The following GFRAL variants were observed in gnomAD, a reference collection of about 807,000 sequenced individuals.
GFRAL encodes the protein GDNF family receptor alpha like, also known as GDNF family receptor alpha-like.
Under a neutral mutation model 45.4 loss-of-function variants are expected in GFRAL, and 36 were observed. That is an observed-to-expected ratio of 0.79 (90% CI 0.61 to 1.05). The LOEUF (loss-of-function observed/expected upper bound fraction) is 1.05, where lower values mean the gene tolerates loss of function less well. Among genes scored for constraint, GFRAL ranks in the 50% least tolerant of loss-of-function variants. The pLI, the probability that GFRAL is intolerant of heterozygous loss-of-function variation, is 0.00. For synonymous variants in GFRAL, 166 were observed against 154.1 expected, an observed-to-expected ratio of 1.08 and a Z score of -0.57; for missense variants, 507 against 467.5, an observed-to-expected ratio of 1.08 and a Z score of -0.78.
chr6:55,395,075 C>G (rs760516663), intron 6 of GFRAL, among the ~76,000 whole-genome samples: 60 of 150,710 alleles, frequency 4.0e-4, no homozygotes, highest in Admixed American at 3.5e-3. Flanking sequence ...TCTCATCATT[C>G]GAAATGACTG....
At chr6:55,388,066 T>C (rs1023706290) in intron 6 of GFRAL, among the ~76,000 whole-genome samples, 4 of 152,144 alleles carry the variant, frequency 2.6e-5, no homozygotes, top group African/African-American at 4.8e-5. Flanking sequence ...TGTCCTTTCT[T>C]CTAGCAATGA....
intron 3 of GFRAL, among the ~76,000 whole-genome samples, chr6:55,339,395 A>G (rs1767932493): frequency 6.6e-6 from 1 of 152,178 alleles, no homozygotes; most frequent in Admixed American, 6.5e-5. Flanking sequence ...ATGCCTCATC[A>G]AGCTGGCATT....
intron 6 of GFRAL, 39 bp downstream of exon 6, chr6:55,359,177 T>G (rs1231700627): frequency 6.5e-7 from 1 of 1,544,336 alleles, no homozygotes; most frequent in African/African-American, 1.4e-5. Flanking sequence ...TATCTATCTA[T>G]CTATCTATCA....
intron 6 of GFRAL, among the ~76,000 whole-genome samples, chr6:55,363,154 A>G (rs931819188): frequency 1.5e-4 from 23 of 152,038 alleles, no homozygotes; most frequent in African/African-American, 5.1e-4. Context: ...CATGTGATAC[A>G]TGCTTAAACA....
chr6:55,383,111 G>C (rs1316124363), intron 6 of GFRAL, among the ~76,000 whole-genome samples: 1 of 151,824 alleles, frequency 6.6e-6, no homozygotes, highest in Non-Finnish European at 1.5e-5. Context: ...AAACTTCATT[G>C]TTCATAAGAA....
chr6:55,351,598 T>A lies in GFRAL; in HGVS notation c.701+15T>A, dbSNP rs747384792. 23 of 1,571,714 alleles carry A rather than the reference T, an allele frequency of 1.5e-5. No homozygotes were observed. Among genetic ancestry groups the A allele is most frequent in the Non-Finnish European group, 2.0e-5 (23 of 1,149,984 alleles). On this transcript the variant is annotated intron_variant, in intron 5 of 8. Coordinates refer to ENST00000340465, the MANE Select transcript of GFRAL (RefSeq NM_207410.2). ...GAATTATGCAGGTGGGTAAAAACAC[T>A]CATACCTTACTTTCTTATTTCGGCA...
At chr6:55,392,979 C>T (rs564968195) in intron 6 of GFRAL, among the ~76,000 whole-genome samples, 7 of 152,134 alleles carry the variant, frequency 4.6e-5, no homozygotes, top group African/African-American at 1.7e-4. Flanking sequence ...GAGAAATTGT[C>T]GTACATAGCG....
At position 55,359,620 on chromosome 6, in the gene GFRAL, G is replaced by A. The variant is rs185281855; in HGVS notation, c.952+482G>A. Among the ~76,000 whole-genome samples the A allele has an allele frequency of 3.1e-3, 469 of 152,012 alleles. 1 individual carries two copies. Among genetic ancestry groups the A allele is most frequent in the Non-Finnish European group, 3.9e-3 (265 of 67,934 alleles). On this transcript the variant is annotated intron_variant, in intron 6 of 8. Transcript: ENST00000340465. ...ATAGTCATCTGGTATCTTTAGGCTC[G>A]GCTGAGGCTGTTTGGTCCAAGGTGG... is the stretch of plus-strand genomic sequence containing the variant.
chr6:55,338,812 G>T (rs1029110852), intron 3 of GFRAL, among the ~76,000 whole-genome samples: 4 of 152,170 alleles, frequency 2.6e-5, no homozygotes, highest in Non-Finnish European at 4.4e-5. Context: ...ACACTGGAAA[G>T]AAATCAGCTA....
At chr6:55,378,244 C>T (rs1163940590) in intron 6 of GFRAL, among the ~76,000 whole-genome samples, 2 of 152,008 alleles carry the variant, frequency 1.3e-5, no homozygotes, top group East Asian at 1.9e-4. Flanking sequence ...AAAGATTAGG[C>T]ATTCTATGAA....
At chr6:55,391,829 A>G (rs1366003990) in intron 6 of GFRAL, among the ~76,000 whole-genome samples, 1 of 152,222 alleles carries the variant, frequency 6.6e-6, no homozygotes, top group Admixed American at 6.5e-5. Context: ...TTTTTAATCC[A>G]TATCTGATGT....
At chr6:55,375,831 T>C (rs946619983) in intron 6 of GFRAL, among the ~76,000 whole-genome samples, 12 of 152,168 alleles carry the variant, frequency 7.9e-5, no homozygotes, top group African/African-American at 2.9e-4. Context: ...CCTCTTTTCC[T>C]ATCTGAATAC....
intron 6 of GFRAL, among the ~76,000 whole-genome samples, chr6:55,388,450 T>A (rs1470713971): frequency 6.6e-6 from 1 of 152,216 alleles, no homozygotes; most frequent in Non-Finnish European, 1.5e-5. Flanking sequence ...AGGCCAGACA[T>A]GATTCAATCC....
At chr6:55,378,454 T>C (rs1768563788) in intron 6 of GFRAL, among the ~76,000 whole-genome samples, 2 of 151,990 alleles carry the variant, frequency 1.3e-5, no homozygotes, top group Non-Finnish European at 2.9e-5. Flanking sequence ...CACTAACTGA[T>C]CAGCCTTATG....
intron 6 of GFRAL, among the ~76,000 whole-genome samples, chr6:55,389,107 G>A (rs759296984): frequency 3.3e-5 from 5 of 151,924 alleles, no homozygotes; most frequent in Admixed American, 1.3e-4. Context: ...AAAATTTTAT[G>A]TTAAGTTCAG....
chr6:55,349,999 T>C, intron 3 of GFRAL, 93 bp from the exon 4 acceptor site: 1 of 748,072 alleles, frequency 1.3e-6, no homozygotes, highest in South Asian at 1.4e-5. Context: ...TGAATATATG[T>C]GGACTTTACT....
chr6:55,354,779 A>G (rs1165475662), intron 5 of GFRAL, among the ~76,000 whole-genome samples: 1 of 152,036 alleles, frequency 6.6e-6, no homozygotes, highest in Non-Finnish European at 1.5e-5. Context: ...GAGCCTGTAC[A>G]TAGGCAAAAC....
At position 55,370,910 on chromosome 6, in the gene GFRAL, T is replaced by C. The variant is rs535104751; in HGVS notation, c.952+11772T>C. The stretch of plus-strand genomic sequence containing the variant: ...TGGAGCCTCAGCACATGTGTGTTTC[T>C]GTGTCTTGCCATTTCGCATCTTCTT... On this transcript the variant is annotated intron_variant, in intron 6 of 8. Transcript: ENST00000340465. 1.9e-4 allele frequency among the ~76,000 whole-genome samples: 29 copies of C among 152,352 alleles called. No homozygotes were observed. In the South Asian group the frequency reaches 3.5e-3, roughly 18 times the overall value.
At chr6:55,367,573 C>G (rs992771651) in intron 6 of GFRAL, among the ~76,000 whole-genome samples, 1 of 151,288 alleles carries the variant, frequency 6.6e-6, no homozygotes, top group Non-Finnish European at 1.5e-5. Flanking sequence ...TTTGCAGCAG[C>G]TGGTACCGGT....
Sources: allele counts gnomAD v4.1 joint callset (sites outside exome capture counted in the v4.1 genomes callset), GRCh38; gene constraint gnomAD v4.1.1; transcripts MANE v1.5; gene names NCBI Gene and HGNC (gene_info 2026-07-23, HGNC 2026-07-21).